Variants in AGRN observed in about 807,000 individuals in gnomAD.
The protein encoded by AGRN is agrin proteoglycan.
A neutral mutation model predicts 211.0 loss-of-function variants in AGRN; 106 were observed. The ratio of observed to expected loss-of-function variants is 0.50; its 90% CI spans 0.43 to 0.59. The LOEUF is 0.59. Among genes scored for constraint, AGRN ranks in the 20% least tolerant of loss-of-function variants. The pLI, the probability that AGRN is intolerant of heterozygous loss-of-function variation, is 0.00. For missense variants in AGRN, 3,040 were observed against 2,982.6 expected, an observed-to-expected ratio of 1.02 and a Z score of -0.45; for synonymous variants, 1,525 against 1,332.5, an observed-to-expected ratio of 1.14 and a Z score of -3.15.
Position 1,050,470 on chromosome 1 carries a change from A to C in AGRN, c.5020A>C (p.Ser1674Arg), listed in dbSNP as rs1204321867. Residue 1674 changes from serine (S) to arginine (R), a missense_variant, in exon 29 of 36, where the codon AGC (serine) becomes CGC (arginine). Ser to Arg is a moderately radical substitution (Grantham distance 110). This residue lies in a region of AGRN where 1,537 missense variants were observed against 1,505.0 expected (regional missense o/e 1.02). Transcript: ENST00000379370. ...LEVVFLARGP[S>R]GLLLYNGQKT... ...GGTCGTGTTCCTGGCACGAGGCCCC[A>C]GCGGCCTCCTGCTCTACAACGGGCA... is the stretch of plus-strand genomic sequence containing the variant. The C allele has an allele frequency of 1.2e-6, 2 of 1,612,898 alleles. No homozygotes were observed. Among genetic ancestry groups the C allele is most frequent in the South Asian group, 2.2e-5 (2 of 91,088 alleles).
chr1:1,050,442 G>A lies in AGRN; in HGVS notation c.4992G>A (p.Leu1664=). ...ATGACCCCAGGGAGAAGATGGCGCT[G>A]GAGGTCGTGTTCCTGGCACGAGGCC... ...FARDLGEKMA[L]EVVFLARGPS... is the part of the protein sequence containing the mutation. The change falls in exon 29 of 36, where the codon CTG becomes CTA. Residue 1664 remains leucine (L), a synonymous_variant. Coordinates refer to ENST00000379370, the MANE Select transcript of AGRN (RefSeq NM_198576.4). The A allele has an allele frequency of 1.9e-6, 3 of 1,612,948 alleles. No homozygotes were observed. Among genetic ancestry groups the A allele is most frequent in the East Asian group, 4.5e-5 (2 of 44,886 alleles).
At chr1:1,023,171 G>T (rs538744416) in intron 2 of AGRN, among the ~76,000 whole-genome samples, 1 of 152,258 alleles carries the variant, frequency 6.6e-6, no homozygotes, top group Non-Finnish European at 1.5e-5. Context: ...TCGGTGGGGG[G>T]GTCTGGAGAG....
At chr1:1,040,035 G>A (rs927828181) in intron 3 of AGRN, among the ~76,000 whole-genome samples, 10 of 152,222 alleles carry the variant, frequency 6.6e-5, no homozygotes, top group African/African-American at 2.4e-4. Flanking sequence ...GGAGCGGTCA[G>A]GGAGGCGCCA....
At position 1,051,656 on chromosome 1, in the gene AGRN, C is replaced by T; in HGVS notation, c.5563+11C>T. 1 of 1,612,680 alleles carries T rather than the reference C, an allele frequency of 6.2e-7. No individual in the cohort carries two copies. The highest frequency in any genetic ancestry group is 8.5e-7 in the Non-Finnish European group (1 of 1,179,780). On this transcript the variant is annotated intron_variant, in intron 32 of 35. Coordinates refer to ENST00000379370, the MANE Select transcript of AGRN (RefSeq NM_198576.4). ...CGCACTGCGAGAAGGGTGAGCCTGG[C>T]ACAGGGCAGGGGGCGGAGGCCGGAT...
chr1:1,041,643 C>G lies in AGRN; in HGVS notation c.1118C>G (p.Ser373Trp). 2 of 1,611,196 alleles carry G rather than the reference C, an allele frequency of 1.2e-6. No homozygotes were observed. Among genetic ancestry groups the G allele is most frequent in the Non-Finnish European group, 1.7e-6 (2 of 1,179,128 alleles). ...GAAAACGACTGTGTCATGGGCCGAT[C>G]GGGGGCCGCCCGGGGTCTCCTCCTG... ...TYENDCVMGR[S>W]GAARGLLLQK... The change falls in exon 6 of 36, where the codon TCG becomes TGG. Residue 373 changes from serine to tryptophan, a missense_variant. Coordinates refer to ENST00000379370, the MANE Select transcript of AGRN (RefSeq NM_198576.4).
chr1:1,043,892 G>A lies in AGRN; in HGVS notation c.1868G>A (p.Cys623Tyr), dbSNP rs1331356230. 6.2e-7 allele frequency: 1 copy of A among 1,610,764 alleles called. No individual in the cohort carries two copies. The highest frequency in any genetic ancestry group is 8.5e-7 in the Non-Finnish European group (1 of 1,179,584). The change falls in exon 10 of 36, where the codon TGT (cysteine) becomes TAT (tyrosine). Residue 623 changes from cysteine to tyrosine, a missense_variant. By Grantham distance (194) the Cys-to-Tyr change is radical. Transcript: ENST00000379370. ...GCAGGGCAGTGTGTGTGTCCCCGGT[G>A]TGAGCACCCCCCGCCCGGCCCCGTG... The part of the protein sequence containing the change: ...CSAGQCVCPR[C>Y]EHPPPGPVCG...
At position 1,045,536 on chromosome 1, in the gene AGRN, G is replaced by A. The variant is rs761238201; in HGVS notation, c.2536+13G>A. On this transcript the variant is annotated intron_variant, in intron 14 of 35. Coordinates refer to ENST00000379370, the MANE Select transcript of AGRN (RefSeq NM_198576.4). ...AGTGGCTGTACACGTGAGTGACAGGGCCCAGGACTGGCCACCGGCTATGCC... is the reference window on the plus strand; with the variant it reads ...AGTGGCTGTACACGTGAGTGACAGGACCCAGGACTGGCCACCGGCTATGCC... 7 of 1,612,118 alleles carry A rather than the reference G, an allele frequency of 4.3e-6. 1 individual carries two copies. Among genetic ancestry groups the A allele is most frequent in the Middle Eastern group, 3.3e-4 (2 of 6,062 alleles).
chr1:1,048,222 G>C lies in AGRN; in HGVS notation c.3962G>C (p.Arg1321Pro). The change falls in exon 23 of 36, where the codon CGT becomes CCT. Residue 1321 changes from arginine to proline, a missense_variant. This residue lies in a region of AGRN where 1,537 missense variants were observed against 1,505.0 expected (regional missense o/e 1.02). Coordinates refer to ENST00000379370, the MANE Select transcript of AGRN (RefSeq NM_198576.4). The surrounding 1 kb of genome is among the most constrained non-coding windows in gnomAD (Gnocchi z 5.9). ...ACTGCCCCCAGCCGTGTGCCCGGAC[G>C]TCGGCCCCCGGCCCCCCAGCAGCCT... ...PTTAPSRVPG[R>P]RPPAPQQPPK... The C allele has an allele frequency of 6.5e-7, 1 of 1,547,114 alleles. No individual in the cohort carries two copies. The highest frequency in any genetic ancestry group is 8.7e-7 in the Non-Finnish European group (1 of 1,146,024).
intron 33 of AGRN, 55 bp from the exon 34 acceptor site, chr1:1,053,698 C>T: frequency 1.3e-6 from 2 of 1,539,528 alleles, no homozygotes; most frequent in Non-Finnish European, 1.8e-6. Context: ...CCGCCTCCCC[C>T]ACCCTGTCCT....
rs1644776550 is a variant in AGRN, at chr1:1,035,289, C to T, written c.476C>T (p.Thr159Ile). Residue 159 changes from threonine (T) to isoleucine (I), a missense_variant, in exon 3 of 36, where the codon ACC becomes ATC. Thr to Ile is a moderately conservative substitution (Grantham distance 89). Around this residue, in one of 3 missense-constraint regions of AGRN, gnomAD observed 1,498 missense variants for 1,457.8 expected, o/e 1.03. Transcript: ENST00000379370. ...VEFCVEDKPG[T>I]HFTPVPPTPP... ...TGTTTTCTTCCAGATAAACCCGGGA[C>T]CCACTTCACTCCAGTGCCTCCGACG... is the stretch of plus-strand genomic sequence containing the variant. 6.2e-7 allele frequency: 1 copy of T among 1,613,110 alleles called. No individual in the cohort carries two copies. The highest frequency in any genetic ancestry group is 8.5e-7 in the Non-Finnish European group (1 of 1,179,996).
At position 1,022,413 on chromosome 1, in the gene AGRN, C is replaced by T; in HGVS notation, c.414C>T (p.Leu138=). ...HKNELMLNSS[L]MRITLRNLEE... Reference sequence around the variant, plus strand: ...ACGAGCTGATGCTCAACTCCAGCCTCATGCGGATCACCCTGCGGAACCTGG... The same window carrying T: ...ACGAGCTGATGCTCAACTCCAGCCTTATGCGGATCACCCTGCGGAACCTGG... Residue 138 remains leucine, a synonymous_variant, in exon 2 of 36, where the codon CTC becomes CTT. Coordinates refer to ENST00000379370, the MANE Select transcript of AGRN (RefSeq NM_198576.4). 6.2e-7 allele frequency: 1 copy of T among 1,613,236 alleles called. No homozygotes were observed.
rs748204984 is a variant in AGRN at position 1,051,756 on chromosome 1, G to C, written c.5592G>C (p.Val1864=). ...KGLVEKSAGD[V]DTLAFDGRTF... ...TGGTGGAGAAGTCAGCGGGGGACGT[G>C]GATACCTTGGCCTTTGACGGGCGGA... Residue 1864 remains valine (V), a synonymous_variant, in exon 33 of 36, where the codon GTG becomes GTC. Transcript: ENST00000379370. 6.2e-6 allele frequency: 10 copies of C among 1,613,874 alleles called. No individual in the cohort carries two copies. Among genetic ancestry groups the C allele is most frequent in the Non-Finnish European group, 8.5e-6 (10 of 1,179,986 alleles).
In AGRN at chr1:1,055,065, G is replaced by A; in HGVS notation, c.*84G>A. The A allele has an allele frequency of 6.5e-7, 1 of 1,529,160 alleles. No individual in the cohort carries two copies. Among genetic ancestry groups the A allele is most frequent in the Non-Finnish European group, 8.8e-7 (1 of 1,141,198 alleles). 94.7% of individuals were successfully genotyped at this position (1,529,160 alleles called of 1,614,324 possible). Reference sequence around the variant, plus strand: ...TTTTTGATATGATTTTCTTGCCTGAGTGTTGGCCGGAGGGACTGCTGGCCC... The same window carrying A: ...TTTTTGATATGATTTTCTTGCCTGAATGTTGGCCGGAGGGACTGCTGGCCC... On this transcript the variant is annotated 3_prime_UTR_variant, in exon 36 of 36. Transcript: ENST00000379370.
intron 2 of AGRN, among the ~76,000 whole-genome samples, chr1:1,024,190 T>C (rs1224809104): frequency 2.0e-5 from 3 of 151,982 alleles, no homozygotes; most frequent in Non-Finnish European, 4.4e-5. Context: ...CTGGGGTCCC[T>C]GGCTGCCGGG....
At chr1:1,025,297 C>A in intron 2 of AGRN, among the ~76,000 whole-genome samples, 1 of 152,160 alleles carries the variant, frequency 6.6e-6, no homozygotes, top group African/African-American at 2.4e-5. Context: ...GCCTGTATTC[C>A]GGCGTGTGCA....
chr1:1,049,477 CCCCGACCCCGG>C (rs1557717406), intron 25 of AGRN, 26 bp downstream of exon 25: 11 of 1,599,904 alleles, frequency 6.9e-6, no homozygotes, highest in Non-Finnish European at 8.5e-6. Flanking sequence ...GGTGGTGTGG[CCCCGACCCCGG>C]CCCTTTGGGG....
chr1:1,036,587 G>C (rs1644809360), intron 3 of AGRN, among the ~76,000 whole-genome samples: 1 of 152,112 alleles, frequency 6.6e-6, no homozygotes, highest in South Asian at 2.1e-4. Context: ...GGCAGCGCTG[G>C]GCCTGGGGTG....
In AGRN at chr1:1,054,907, G is replaced by A. The variant is rs758454617; in HGVS notation, c.6064G>A (p.Val2022Met). 6.5e-7 allele frequency: 1 copy of A among 1,549,266 alleles called. No individual in the cohort carries two copies. Among genetic ancestry groups the A allele is most frequent in the Non-Finnish European group, 8.7e-7 (1 of 1,147,588 alleles). ...TGTGGGCTGCTTGCGGGACGTGGTG[G>A]TGGGCCGGCACCCGCTGCACCTGCT... ...GFVGCLRDVV[V>M]GRHPLHLLED... Residue 2022 changes from valine to methionine, a missense_variant, in exon 36 of 36, where the codon GTG becomes ATG. This residue lies in a region of AGRN where 1,537 missense variants were observed against 1,505.0 expected (regional missense o/e 1.02). Transcript: ENST00000379370.
intron 12 of AGRN, among the ~76,000 whole-genome samples, chr1:1,044,895 G>A (rs1029200372): frequency 2.0e-5 from 3 of 152,186 alleles, no homozygotes; most frequent in Admixed American, 6.5e-5. Flanking sequence ...AAGGAAGCTC[G>A]CGTGTGTGTG....
Sources: allele counts gnomAD v4.1 joint callset (sites outside exome capture counted in the v4.1 genomes callset), GRCh38; gene constraint gnomAD v4.1.1; regional missense constraint gnomAD v4.1.1; non-coding constraint Gnocchi (gnomAD v3.1); transcripts MANE v1.5; gene names NCBI Gene and HGNC (gene_info 2026-07-23, HGNC 2026-07-21).